Variants in NLRP14 observed in about 807,000 individuals in gnomAD.
NLRP14 encodes the protein NACHT, LRR and PYD domains-containing protein 14.
In NLRP14, 105 loss-of-function variants were observed where a neutral mutation model predicts 94.7. The observed-to-expected ratio is 1.11, with a 90% CI of 0.95 to 1.30. NLRP14 has a LOEUF of 1.30. Ranked by LOEUF, NLRP14 falls within the 50% of genes most tolerant of loss-of-function variation. The pLI, the probability that NLRP14 is intolerant of heterozygous loss-of-function variation, is 0.00. For synonymous variants in NLRP14, 508 were observed against 459.9 expected (o/e 1.10, Z -1.34); for missense variants, 1,362 against 1,254.1 (o/e 1.09, Z -1.30).
chr11:7,071,714 G>T (rs748004200), downstream of NLRP14, among the ~76,000 whole-genome samples: 1 of 150,370 alleles, frequency 6.7e-6, no homozygotes, highest in Non-Finnish European at 1.5e-5. Flanking sequence ...CTCCATATGT[G>T]TTCTTGGGAT....
intron 3 of NLRP14, 86 bp downstream of exon 3, chr11:7,039,871 C>G (rs922616399): frequency 9.3e-7 from 1 of 1,072,400 alleles, no homozygotes; most frequent in Non-Finnish European, 1.5e-6. Context: ...GACTTTTGTT[C>G]AAATCTTGTT....
chr11:7,035,665 C>G (rs1852150908), intron 1 of NLRP14, among the ~76,000 whole-genome samples: 1 of 152,100 alleles, frequency 6.6e-6, no homozygotes, highest in South Asian at 2.1e-4. Context: ...ACCTGGCTTC[C>G]TAGGTCAAAT....
At chr11:7,044,617 G>A (rs1029047926) in intron 4 of NLRP14, among the ~76,000 whole-genome samples, 6 of 152,036 alleles carry the variant, frequency 3.9e-5, no homozygotes, top group Non-Finnish European at 7.4e-5. Context: ...AGTGTTTTAC[G>A]TACATTATTC....
intron 5 of NLRP14, 28 bp downstream of exon 5, chr11:7,046,860 G>A (rs369605100): frequency 6.0e-5 from 94 of 1,561,358 alleles, no homozygotes; most frequent in Non-Finnish European, 5.4e-5. Flanking sequence ...AAATTTAATG[G>A]AGTTATTCTA....
the NLRP14 span, among the ~76,000 whole-genome samples, chr11:7,078,462 A>ACAAAAAAAAAAAAAAAAG: frequency 1.1e-5 from 1 of 88,486 alleles, no homozygotes; most frequent in South Asian, 4.4e-4. Flanking sequence ...AAAAAAAAAA[A>ACAAAAAAAAAAAAAAAAG]CAAAAAAATT....
the NLRP14 span, among the ~76,000 whole-genome samples, chr11:7,079,413 A>G: frequency 6.6e-6 from 1 of 152,228 alleles, no homozygotes; most frequent in Non-Finnish European, 1.5e-5. Flanking sequence ...CTCTGCCATT[A>G]GTTGTAAAAG....
chr11:7,032,063 C>A (rs1852106678), intron 1 of NLRP14, among the ~76,000 whole-genome samples: 1 of 152,156 alleles, frequency 6.6e-6, no homozygotes, highest in African/African-American at 2.4e-5. Context: ...GCATTCATTT[C>A]TTTAACTTTT....
At chr11:7,089,860 G>T in the NLRP14 span, 25 of 1,612,554 alleles carry the variant, frequency 1.6e-5, no homozygotes, top group East Asian at 5.6e-4. Context: ...GGCCACTCCA[G>T]TGTCCGGGAC....
chr11:7,080,989 G>C, the NLRP14 span, among the ~76,000 whole-genome samples: 1 of 152,128 alleles, frequency 6.6e-6, no homozygotes, highest in South Asian at 2.1e-4. Context: ...GTTAGGAGGG[G>C]AGGTTGTCTT....
chr11:7,046,978 G>A, intron 5 of NLRP14, 146 bp downstream of exon 5: 1 of 710,974 alleles, frequency 1.4e-6, no homozygotes, highest in South Asian at 1.6e-5. Flanking sequence ...GGAATCCTCT[G>A]GGGACATGGG....
chr11:7,089,303 C>T, the NLRP14 span: 4 of 1,605,508 alleles, frequency 2.5e-6, no homozygotes, highest in South Asian at 1.1e-5. Flanking sequence ...GCCCCGCAGA[C>T]GCCAAGGCCG....
chr11:7,034,088 G>T (rs759095075), intron 1 of NLRP14, among the ~76,000 whole-genome samples: 1 of 152,220 alleles, frequency 6.6e-6, no homozygotes, highest in Non-Finnish European at 1.5e-5. Flanking sequence ...CACAGTCAGC[G>T]CTCTGGGAGG....
intron 5 of NLRP14, among the ~76,000 whole-genome samples, chr11:7,047,884 C>T (rs543974535): frequency 9.2e-5 from 14 of 151,534 alleles, no homozygotes; most frequent in Admixed American, 7.9e-4. Context: ...CTCAGCCTCC[C>T]GAGTAGGTGG....
rs371648649 is a variant in NLRP14, at chr11:7,071,235, A to G, written c.3209A>G (p.Asn1070Ser). 3.2e-5 allele frequency: 52 copies of G among 1,613,416 alleles called. No homozygotes were observed. Among genetic ancestry groups the G allele is most frequent in the Non-Finnish European group, 4.1e-5 (48 of 1,179,620 alleles). ...CTGCTGGAAGCTGTGGGAGTTAGCA[A>G]TCCACACTTAATCATTAAGCCAGAT... ...QKLLEAVGVS[N>S]PHLIIKPDCN... is the part of the protein sequence containing the mutation. Residue 1070 changes from asparagine to serine, a missense_variant, in exon 12 of 12, where the codon AAT becomes AGT. Transcript: ENST00000299481.
chr11:7,085,397 C>T, the NLRP14 span, among the ~76,000 whole-genome samples: 2 of 152,196 alleles, frequency 1.3e-5, no homozygotes, highest in Non-Finnish European at 2.9e-5. Flanking sequence ...TCATTTTCCC[C>T]TCCTAGCCCC....
intron 10 of NLRP14, among the ~76,000 whole-genome samples, chr11:7,065,656 A>G (rs1320360061): frequency 1.3e-5 from 2 of 152,070 alleles, no homozygotes; most frequent in Non-Finnish European, 2.9e-5. Context: ...TGGTTCACCA[A>G]TTTATCAATT....
At position 7,042,815 on chromosome 11, in the gene NLRP14, A is replaced by G. The variant is rs764936196; in HGVS notation, c.789A>G (p.Glu263=). The change falls in exon 4 of 12, where the codon GAA becomes GAG. Residue 263 remains glutamate (E), a synonymous_variant. Transcript: ENST00000299481. ...TGTTTATTATTGACAGTTTCGATGA[A>G]CTGAACTTTGCCTTTGAAGAACCTG... ...SLLFIIDSFD[E]LNFAFEEPEF... The G allele has an allele frequency of 4.1e-5, 66 of 1,614,064 alleles. 1 individual carries two copies. The Middle Eastern group carries it at 6.6e-4, about 16-fold the overall frequency.
intron 3 of NLRP14, among the ~76,000 whole-genome samples, chr11:7,040,300 C>T (rs1253346118): frequency 1.3e-5 from 2 of 152,196 alleles, no homozygotes; most frequent in Non-Finnish European, 1.5e-5. Flanking sequence ...AGTGGTAGGC[C>T]ACGGGAGCTT....
rs147405805 is a variant in NLRP14 at position 7,048,641 on chromosome 11, A to G, written c.2124-1030A>G. Among the ~76,000 whole-genome samples, 524 of 152,314 alleles carry G rather than the reference A, an allele frequency of 3.4e-3. 3 individuals are homozygous for G. Among genetic ancestry groups the G allele is most frequent in the African/African-American group, 0.011 (472 of 41,572 alleles). ...TCTTACATATAGATGTAGTAAGACA[A>G]CTAGATGTATGTTATGATTACGGGG... On this transcript the variant is annotated intron_variant, in intron 5 of 11. Coordinates refer to ENST00000299481, the MANE Select transcript of NLRP14 (RefSeq NM_176822.4).
Sources: gnomAD v4.1 joint callset for allele counts (sites outside exome capture counted in the v4.1 genomes callset) on GRCh38, gnomAD v4.1.1 for gene constraint, MANE v1.5 for transcripts, NCBI Gene and HGNC (gene_info 2026-07-23, HGNC 2026-07-21) for gene names.